WDR1: variants seen among roughly 807,000 people sequenced by gnomAD.
WDR1 encodes WD repeat-containing protein 1.
Under a neutral mutation model 71.9 loss-of-function variants are expected in WDR1, and 21 were observed. The ratio of observed to expected loss-of-function variants is 0.29; its 90% CI spans 0.21 to 0.42. The LOEUF is 0.42. Among genes scored for constraint, WDR1 ranks in the 10% least tolerant of loss-of-function variants. The pLI is 1.00. For synonymous variants in WDR1, 424 were observed against 347.4 expected (o/e 1.22, Z -2.45); for missense variants, 696 against 824.5 (o/e 0.84, Z 1.91).
chr4:10,099,179 G>C, intron 3 of WDR1, 40 bp from the exon 4 acceptor site: 2 of 873,816 alleles, frequency 2.3e-6, no homozygotes, highest in Non-Finnish European at 1.6e-6. Context: ...GGAGGCGGTG[G>C]TGGGGTAAAG....
chr4:10,086,600 C>T (rs983596548), intron 8 of WDR1, among the ~76,000 whole-genome samples: 1 of 152,322 alleles, frequency 6.6e-6, no homozygotes, highest in Non-Finnish European at 1.5e-5. Context: ...TGCACAGGCC[C>T]GGGGGCTGCT....
At chr4:10,104,996 A>G (rs1484287564) in intron 2 of WDR1, among the ~76,000 whole-genome samples, 2 of 151,522 alleles carry the variant, frequency 1.3e-5, no homozygotes, top group African/African-American at 4.9e-5. Flanking sequence ...GACTGAGACC[A>G]CAGAAGTACA....
intron 14 of WDR1, 129 bp from the exon 15 acceptor site, chr4:10,075,613 G>A (rs952718998): frequency 6.8e-5 from 56 of 828,032 alleles, no homozygotes; most frequent in Admixed American, 3.4e-4. Context: ...ACGAATCGTT[G>A]TAACTCAGGA....
intron 10 of WDR1, among the ~76,000 whole-genome samples, chr4:10,082,248 G>A (rs74873220): frequency 0.014 from 2,110 of 152,264 alleles, 34 homozygotes; most frequent in East Asian, 0.078. Flanking sequence ...CTACAAGGAC[G>A]GCACACCTGC....
rs764442403 is a variant in WDR1 at position 10,084,455 on chromosome 4, C to T, written c.1027G>A (p.Asp343Asn). Residue 343 changes from aspartate (D) to asparagine (N), a missense_variant, in exon 9 of 15, where the codon GAC (aspartate) becomes AAC (asparagine). By Grantham distance (23) the Asp-to-Asn change is conservative. Coordinates refer to ENST00000499869, the MANE Select transcript of WDR1 (RefSeq NM_017491.5). ...GKSYIYSGSHDGHINYWDSET... is the reference protein window; with the variant it reads ...GKSYIYSGSHNGHINYWDSET... The stretch of plus-strand genomic sequence containing the variant: ...AGTCAAAGGATATTAATGTGTCCGT[C>T]GTGGCTCCCAGAGTAAATGTAGGAC... 1 of 1,613,780 alleles carries T rather than the reference C, an allele frequency of 6.2e-7. No homozygotes were observed. Among genetic ancestry groups the T allele is most frequent in the Non-Finnish European group, 8.5e-7 (1 of 1,179,764 alleles).
chr4:10,084,314 G>A (rs1048608632), intron 9 of WDR1, 129 bp downstream of exon 9: 2 of 797,040 alleles, frequency 2.5e-6, no homozygotes, highest in African/African-American at 1.7e-5. Flanking sequence ...AGCCACACGG[G>A]TCAGAAGAGC....
At chr4:10,116,348 A>G (rs548310561) in intron 1 of WDR1, 114 bp from the exon 2 acceptor site, 5 of 1,466,094 alleles carry the variant, frequency 3.4e-6, no homozygotes, top group Non-Finnish European at 4.6e-6. Context: ...CTGCGCCGGG[A>G]GGGCGGCCTC....
At chr4:10,080,457 G>A (rs1764969519) in intron 11 of WDR1, among the ~76,000 whole-genome samples, 1 of 152,202 alleles carries the variant, frequency 6.6e-6, no homozygotes, top group Non-Finnish European at 1.5e-5. Flanking sequence ...CCCACTGGCT[G>A]TCCAGGCTGT....
chr4:10,115,176 A>G (rs749363935), intron 2 of WDR1, among the ~76,000 whole-genome samples: 47 of 152,148 alleles, frequency 3.1e-4, no homozygotes, highest in African/African-American at 8.0e-4. Flanking sequence ...AAATCACCCA[A>G]TGGCCGGGCC....
chr4:10,078,868 C>T lies in WDR1; in HGVS notation c.1395+23G>A, dbSNP rs527269415. The T allele has an allele frequency of 3.5e-5, 56 of 1,594,818 alleles. No homozygotes were observed. The Admixed American group carries it at 4.9e-4, about 14-fold the overall frequency. The stretch of plus-strand genomic sequence containing the variant: ...ACCCAGATACCAAGGACAGAGAGCA[C>T]GGGGGAGAGGAAAGCGACTTACCAC... On this transcript the variant is annotated intron_variant, in intron 12 of 14. Transcript: ENST00000499869.
intron 2 of WDR1, among the ~76,000 whole-genome samples, chr4:10,109,126 A>G (rs1008632120): frequency 5.3e-5 from 8 of 152,240 alleles, no homozygotes; most frequent in African/African-American, 9.6e-5. Flanking sequence ...TTGAAACCTC[A>G]CAACACCTGC....
chr4:10,083,179 G>A lies in WDR1; in HGVS notation c.1040-1C>T. The A allele has an allele frequency of 6.2e-7, 1 of 1,613,090 alleles. No homozygotes were observed. The highest frequency in any genetic ancestry group is 8.5e-7 in the Non-Finnish European group (1 of 1,179,464). ...TCCCCCGTCTCTGAATCCCAGTAAT[G>A]TAGGGTGGGGTTAAGGAAAAGCCCG... On this transcript the variant is annotated splice_acceptor_variant, in intron 9 of 14. Transcript: ENST00000499869. LOFTEE classifies it high-confidence loss of function.
chr4:10,092,946 C>A, intron 5 of WDR1: 1 of 718,920 alleles, frequency 1.4e-6, no homozygotes, highest in Non-Finnish European at 2.1e-6. Flanking sequence ...TCCTGCCTGT[C>A]CTCCCTTGCA....
At chr4:10,104,091 C>A in intron 2 of WDR1, 105 bp from the exon 3 acceptor site, 6 of 1,218,610 alleles carry the variant, frequency 4.9e-6, no homozygotes, top group Non-Finnish European at 7.1e-6. Flanking sequence ...CAAAGAAACA[C>A]TGAAGCTAAA....
chr4:10,111,243 A>G (rs1247165714), intron 2 of WDR1, among the ~76,000 whole-genome samples: 1 of 152,142 alleles, frequency 6.6e-6, no homozygotes, highest in Non-Finnish European at 1.5e-5. Context: ...AGCACTTCTC[A>G]GCCTGGGTCC....
intron 5 of WDR1, chr4:10,093,048 A>C (rs1560536830): frequency 7.8e-7 from 1 of 1,289,264 alleles, no homozygotes; most frequent in Admixed American, 2.3e-5. Context: ...CTCACCACCG[A>C]GGAAACCGAG....
At chr4:10,110,416 A>C (rs62288543) in intron 2 of WDR1, among the ~76,000 whole-genome samples, 4,623 of 152,260 alleles carry the variant, frequency 0.03, 98 homozygotes, top group Non-Finnish European at 0.045. Flanking sequence ...TACCTCAAAG[A>C]TGGCTTCAGT....
chr4:10,100,183 T>A (rs1167830260), intron 3 of WDR1, among the ~76,000 whole-genome samples: 2 of 152,240 alleles, frequency 1.3e-5, no homozygotes, highest in African/African-American at 2.4e-5. Flanking sequence ...AAAGAGCTTT[T>A]GTTTTCTTGC....
chr4:10,092,173 C>T (rs978997755), intron 5 of WDR1: 2 of 90,192 alleles, frequency 2.2e-5, no homozygotes, highest in Non-Finnish European at 2.9e-5. Context: ...GATGGCTGGG[C>T]CTGGCTGACC....
Sources: allele counts gnomAD v4.1 joint callset (sites outside exome capture counted in the v4.1 genomes callset), GRCh38; gene constraint gnomAD v4.1.1; transcripts MANE v1.5; gene names NCBI Gene and HGNC (gene_info 2026-07-23, HGNC 2026-07-21).